Variants in SLC37A1 observed in about 807,000 individuals in gnomAD.
The protein encoded by SLC37A1 is glucose-6-phosphate exchanger SLC37A1.
A neutral mutation model predicts 75.3 loss-of-function variants in SLC37A1; 49 were observed. That is an observed-to-expected ratio of 0.65 (90% CI 0.52 to 0.83). The LOEUF (loss-of-function observed/expected upper bound fraction) is 0.83, where lower values mean the gene tolerates loss of function less well. Among genes scored for constraint, SLC37A1 ranks in the 40% least tolerant of loss-of-function variants. The pLI is 0.00. For missense variants in SLC37A1, 566 were observed against 695.0 expected, an observed-to-expected ratio of 0.81 and a Z score of 2.09; for synonymous variants, 268 against 292.1, an observed-to-expected ratio of 0.92 and a Z score of 0.84.
chr21:42,580,463 T>A lies in SLC37A1; in HGVS notation c.*103T>A. On this transcript the variant is annotated 3_prime_UTR_variant, in exon 20 of 20. Transcript: ENST00000352133. Reference sequence around the variant, plus strand: ...CCCTGCATGGAAAGAGTGACCTCCCTTTGCCTTTTGCACACGCACCTGGAA... The same window carrying A: ...CCCTGCATGGAAAGAGTGACCTCCCATTGCCTTTTGCACACGCACCTGGAA... 1 of 1,307,886 alleles carries A rather than the reference T, an allele frequency of 7.6e-7. No individual in the cohort carries two copies. Among genetic ancestry groups the A allele is most frequent in the Non-Finnish European group, 1.1e-6 (1 of 948,728 alleles). 81.0% of individuals were successfully genotyped at this position (1,307,886 alleles called of 1,614,324 possible). A position where few individuals can be genotyped will look rare whatever the true frequency, so the allele number is the denominator to read the frequency against.
At chr21:42,573,321 C>T (rs1252328453) in intron 17 of SLC37A1, among the ~76,000 whole-genome samples, 1 of 122,734 alleles carries the variant, frequency 8.1e-6, no homozygotes, top group Non-Finnish European at 1.7e-5. Context: ...GTTCCCACTG[C>T]GTTCCTCCTT....
Position 42,554,036 on chromosome 21 carries a change from T to G in SLC37A1, c.769-26T>G, listed in dbSNP as rs760852183. 3 of 1,590,868 alleles carry G rather than the reference T, an allele frequency of 1.9e-6. No individual in the cohort carries two copies. In the Admixed American group the frequency reaches 5.2e-5, roughly 28 times the overall value. Reference sequence around the variant, plus strand: ...TTTCTAGCTGTTGAATCAGTATCGCTCTAATGAAACTTTTTTTTTTACCAG... The same window carrying G: ...TTTCTAGCTGTTGAATCAGTATCGCGCTAATGAAACTTTTTTTTTTACCAG... On this transcript the variant is annotated intron_variant, in intron 9 of 19. Transcript: ENST00000352133.
At chr21:42,572,427 G>A (rs1037384237) in intron 17 of SLC37A1, among the ~76,000 whole-genome samples, 1 of 152,048 alleles carries the variant, frequency 6.6e-6, no homozygotes, top group Admixed American at 6.5e-5. Context: ...TTAGTCAGAT[G>A]TAGGCTTTTC....
chr21:42,581,327 T>G lies in SLC37A1; in HGVS notation c.*967T>G, dbSNP rs1244845660. ...AGAGACATAAATGGCATTTTGTTAT[T>G]TATTAAGACAAACTCCAATTGTTCT... On this transcript the variant is annotated 3_prime_UTR_variant, in exon 20 of 20. Coordinates refer to ENST00000352133, the MANE Select transcript of SLC37A1 (RefSeq NM_001320537.2). 2 of 147,894 alleles carry G rather than the reference T, an allele frequency of 1.4e-5. No homozygotes were observed. The highest frequency in any genetic ancestry group is 3.9e-4 in the East Asian group (2 of 5,192). The allele number at this position is 147,894 out of a possible 1,614,324, so 9.2% of individuals were successfully genotyped here.
intron 17 of SLC37A1, among the ~76,000 whole-genome samples, chr21:42,568,641 G>A (rs1333451074): frequency 6.6e-6 from 1 of 152,210 alleles, no homozygotes; most frequent in Non-Finnish European, 1.5e-5. Flanking sequence ...AGACGGGCGT[G>A]TGACTAGCTG....
intron 3 of SLC37A1, among the ~76,000 whole-genome samples, chr21:42,531,178 G>A (rs909166818): frequency 2.0e-5 from 3 of 152,198 alleles, no homozygotes; most frequent in Middle Eastern, 3.4e-3. Flanking sequence ...CAGCCCCACC[G>A]CCTTCCCCGC....
intron 1 of SLC37A1, among the ~76,000 whole-genome samples, chr21:42,502,123 A>G (rs909343378): frequency 6.6e-6 from 1 of 152,248 alleles, no homozygotes; most frequent in African/African-American, 2.4e-5. Flanking sequence ...TTAATTATGT[A>G]ACATTTGATG....
intron 2 of SLC37A1, among the ~76,000 whole-genome samples, chr21:42,507,776 G>A (rs2054397718): frequency 6.6e-6 from 1 of 152,068 alleles, no homozygotes; most frequent in African/African-American, 2.4e-5. Flanking sequence ...TCTAATCAGT[G>A]CTCACAGGGA....
At position 42,547,316 on chromosome 21, in the gene SLC37A1, A is replaced by G. The variant is rs2055434890; in HGVS notation, c.768+176A>G. ...ATATTCTGTTTTGGGTTTCGCTGAT[A>G]ATAACCTTATCAGCAAAACCCAGAC... On this transcript the variant is annotated intron_variant, in intron 9 of 19. Transcript: ENST00000352133. This position sits in a 1 kb window ranked among gnomAD's most constrained non-coding sequence, Gnocchi z 6.1. The G allele has an allele frequency of 1.5e-6, 1 of 671,752 alleles. No individual in the cohort carries two copies. Among genetic ancestry groups the G allele is most frequent in the Non-Finnish European group, 2.6e-6 (1 of 388,372 alleles). 41.6% of individuals were successfully genotyped at this position (671,752 alleles called of 1,614,324 possible).
At chr21:42,541,676 ATGTT>A (rs2055286947) in intron 6 of SLC37A1, among the ~76,000 whole-genome samples, 1 of 152,248 alleles carries the variant, frequency 6.6e-6, no homozygotes, top group Non-Finnish European at 1.5e-5. Context: ...TTCACAAGCC[ATGTT>A]TATCATACAA....
chr21:42,549,418 G>A (rs2839548), intron 9 of SLC37A1, among the ~76,000 whole-genome samples: 12,873 of 152,166 alleles, frequency 0.085, 1,617 homozygotes, highest in African/African-American at 0.28. Flanking sequence ...AATCCTCTCC[G>A]AGCAGTTCAC....
At chr21:42,512,236 G>T (rs2054442906), upstream of SLC37A1, among the ~76,000 whole-genome samples, 1 of 103,594 alleles carries the variant, frequency 9.7e-6, no homozygotes, top group South Asian at 3.8e-4. Context: ...GGGGGAGGGG[G>T]GGTGGGAAGA....
chr21:42,510,442 G>C (rs2054422828), upstream of SLC37A1, among the ~76,000 whole-genome samples: 1 of 152,140 alleles, frequency 6.6e-6, no homozygotes, highest in African/African-American at 2.4e-5. Flanking sequence ...ACATTAGAAA[G>C]GAAGATAGTA....
intron 10 of SLC37A1, among the ~76,000 whole-genome samples, chr21:42,557,636 C>T (rs1363439710): frequency 1.3e-5 from 2 of 152,246 alleles, no homozygotes; most frequent in Non-Finnish European, 2.9e-5. Flanking sequence ...CGCTGGGCTG[C>T]CCCCAAGGCC....
At chr21:42,579,508 T>TTCCTCAGACAGCCCTGCCC (rs2056371950) in intron 18 of SLC37A1, among the ~76,000 whole-genome samples, 2 of 126,176 alleles carry the variant, frequency 1.6e-5, no homozygotes, top group African/African-American at 3.1e-5. Context: ...TTCGTGGGCC[T>TTCCTCAGACAGCCCTGCCC]TCATCAGACA....
Position 42,571,581 on chromosome 21 carries a change from T to G in SLC37A1, c.1423+3143T>G, listed in dbSNP as rs76727387. Reference sequence around the variant, plus strand: ...GCCAATTTCAGCTGCCTCTCTCTGCTTACCTACGTATTTCCATGTTTCTTG... The same window carrying G: ...GCCAATTTCAGCTGCCTCTCTCTGCGTACCTACGTATTTCCATGTTTCTTG... On this transcript the variant is annotated intron_variant, in intron 17 of 19. Coordinates refer to ENST00000352133, the MANE Select transcript of SLC37A1 (RefSeq NM_001320537.2). Among the ~76,000 whole-genome samples, 1,030 of 152,228 alleles carry G rather than the reference T, an allele frequency of 6.8e-3. 13 individuals carry two copies. The highest frequency in any genetic ancestry group is 0.023 in the African/African-American group (974 of 41,528).
intron 4 of SLC37A1, 151 bp downstream of exon 4, chr21:42,534,981 C>A: frequency 9.0e-7 from 1 of 1,110,524 alleles, no homozygotes; most frequent in Non-Finnish European, 1.3e-6. Flanking sequence ...TTCACCGCCA[C>A]GGTGTCCACA....
chr21:42,546,371 A>G (rs1213162503), intron 8 of SLC37A1, among the ~76,000 whole-genome samples: 1 of 152,030 alleles, frequency 6.6e-6, no homozygotes, highest in Non-Finnish European at 1.5e-5. Flanking sequence ...TTTTATCTCC[A>G]CTCATTTTTA....
chr21:42,555,002 T>C (rs2055651751), intron 10 of SLC37A1, among the ~76,000 whole-genome samples: 1 of 145,286 alleles, frequency 6.9e-6, no homozygotes, highest in South Asian at 2.1e-4. Flanking sequence ...TTTTTTTTTT[T>C]TGAGACAAGA....
Sources: gnomAD v4.1 joint callset for allele counts (sites outside exome capture counted in the v4.1 genomes callset) on GRCh38, gnomAD v4.1.1 for gene constraint, Gnocchi (gnomAD v3.1) non-coding constraint, MANE v1.5 for transcripts, NCBI Gene and HGNC (gene_info 2026-07-23, HGNC 2026-07-21) for gene names.